Variants in RASGRF2 observed in about 807,000 individuals in gnomAD.
The protein encoded by RASGRF2 is ras-specific guanine nucleotide-releasing factor 2.
RASGRF2 carries 76 observed loss-of-function variants against 151.0 expected under a neutral mutation model. The observed-to-expected ratio is 0.50, with a 90% confidence interval of 0.42 to 0.61. The LOEUF is 0.61. RASGRF2 is among the 20% of genes least tolerant of loss of function. The pLI is 0.00. For synonymous variants in RASGRF2, 504 were observed against 566.5 expected (o/e 0.89, Z 1.57); for missense variants, 1,148 against 1,564.6 (o/e 0.73, Z 4.49).
chr5:81,222,432 C>G (rs1755875682), intron 26 of RASGRF2, among the ~76,000 whole-genome samples: 2 of 152,138 alleles, frequency 1.3e-5, no homozygotes, highest in Non-Finnish European at 2.9e-5. Flanking sequence ...GTCTGGAGTG[C>G]CCTTTCTTCC....
chr5:81,103,284 A>T (rs995188533), intron 12 of RASGRF2, among the ~76,000 whole-genome samples: 24 of 152,182 alleles, frequency 1.6e-4, no homozygotes, highest in African/African-American at 5.8e-4. Context: ...ACCTATATAT[A>T]GGTATAGAAT....
chr5:81,078,032 G>A (rs974367363), intron 5 of RASGRF2, among the ~76,000 whole-genome samples: 4 of 152,152 alleles, frequency 2.6e-5, no homozygotes, highest in African/African-American at 9.7e-5. Context: ...GACTTAGATG[G>A]AGATTTGAAA....
At chr5:81,029,203 G>C (rs1368638033) in intron 1 of RASGRF2, among the ~76,000 whole-genome samples, 1 of 152,234 alleles carries the variant, frequency 6.6e-6, no homozygotes. Context: ...GTCTGCCTCT[G>C]TAGACTCCAC....
chr5:81,153,131 A>G (rs562147508), intron 17 of RASGRF2, among the ~76,000 whole-genome samples: 1 of 152,366 alleles, frequency 6.6e-6, no homozygotes, highest in Admixed American at 6.5e-5. Flanking sequence ...AAGCAAAGAA[A>G]CAAAAAGATG....
chr5:80,987,588 G>A (rs1748512575), intron 1 of RASGRF2, among the ~76,000 whole-genome samples: 1 of 152,198 alleles, frequency 6.6e-6, no homozygotes, highest in South Asian at 2.1e-4. Flanking sequence ...GCTTGTGGGA[G>A]AGCAGACAAG....
intron 1 of RASGRF2, among the ~76,000 whole-genome samples, chr5:81,012,755 T>C (rs1232311930): frequency 6.6e-6 from 1 of 151,962 alleles, no homozygotes; most frequent in Non-Finnish European, 1.5e-5. Flanking sequence ...CACTTATTGC[T>C]GTCTAGGGGA....
intron 12 of RASGRF2, 33 bp downstream of exon 12, chr5:81,095,025 T>G (rs1316258483): frequency 3.7e-6 from 5 of 1,368,132 alleles, no homozygotes; most frequent in Non-Finnish European, 3.8e-6. Context: ...ATTTTTGTTT[T>G]TTAAATTTCA....
intron 13 of RASGRF2, among the ~76,000 whole-genome samples, chr5:81,110,542 T>C (rs750820518): frequency 6.6e-6 from 1 of 152,244 alleles, no homozygotes; most frequent in Admixed American, 6.5e-5. Context: ...TCAAATAAGC[T>C]AATTATAGTC....
intron 1 of RASGRF2, among the ~76,000 whole-genome samples, chr5:81,032,671 C>G (rs193076719): frequency 1.6e-4 from 24 of 152,262 alleles, no homozygotes; most frequent in Admixed American, 1.5e-3. Context: ...CTATTTATGA[C>G]AAACCCACAG....
At chr5:81,090,865 A>G (rs1423034247) in intron 9 of RASGRF2, among the ~76,000 whole-genome samples, 1 of 152,154 alleles carries the variant, frequency 6.6e-6, no homozygotes, top group Non-Finnish European at 1.5e-5. Flanking sequence ...TAACGAACAC[A>G]TTATTATTGA....
intron 1 of RASGRF2, among the ~76,000 whole-genome samples, chr5:80,964,221 A>G (rs1184414094): frequency 6.6e-6 from 1 of 152,176 alleles, no homozygotes; most frequent in Non-Finnish European, 1.5e-5. Flanking sequence ...TGATATAATC[A>G]AAATGAGATC....
chr5:80,969,594 A>T (rs367972484), intron 1 of RASGRF2, among the ~76,000 whole-genome samples: 115 of 148,742 alleles, frequency 7.7e-4, no homozygotes, highest in African/African-American at 2.8e-3. Flanking sequence ...GACTACAGGC[A>T]CCCGCCACCA....
chr5:81,014,457 C>T lies in RASGRF2; in HGVS notation c.289-28420C>T, dbSNP rs558805732. Among the ~76,000 whole-genome samples, 25 of 152,258 alleles carry T rather than the reference C, an allele frequency of 1.6e-4. No individual in the cohort carries two copies. In the South Asian group the frequency reaches 2.9e-3, roughly 18 times the overall value. On this transcript the variant is annotated intron_variant, in intron 1 of 26. Coordinates refer to ENST00000265080, the MANE Select transcript of RASGRF2 (RefSeq NM_006909.3). ...GCCTCCTTTTAAAACCATCAGATCT[C>T]GCGAAACTTATCCATTGTCACAAGA...
intron 1 of RASGRF2, among the ~76,000 whole-genome samples, chr5:81,018,802 CT>C (rs35247915): frequency 0.5 from 63,781 of 126,660 alleles, 15,094 homozygotes; most frequent in African/African-American, 0.59. Context: ...TCCATCTGCA[CT>C]TTTTTTTTTT....
intron 17 of RASGRF2, among the ~76,000 whole-genome samples, chr5:81,131,165 C>T (rs1292311758): frequency 6.6e-6 from 1 of 152,078 alleles, no homozygotes; most frequent in Non-Finnish European, 1.5e-5. Flanking sequence ...ATTTCAAATG[C>T]AATACAAGGG....
Position 81,226,903 on chromosome 5 carries a change from G to A in RASGRF2, c.*1133G>A, listed in dbSNP as rs940330314. 6.6e-5 allele frequency: 10 copies of A among 152,094 alleles called. No individual in the cohort carries two copies. Among genetic ancestry groups the A allele is most frequent in the African/African-American group, 2.2e-4 (9 of 41,396 alleles). The allele number at this position is 152,094 out of a possible 1,614,324, so 9.4% of individuals were successfully genotyped here. A position where few individuals can be genotyped will look rare whatever the true frequency, so the allele number is the denominator to read the frequency against. On this transcript the variant is annotated 3_prime_UTR_variant, in exon 27 of 27. Transcript: ENST00000265080. ...TGCATGGGAAATGGGCCCAACCACC[G>A]AACAGCTCTTACATTACAAAACCAA...
chr5:80,970,603 C>T (rs939147495), intron 1 of RASGRF2, among the ~76,000 whole-genome samples: 1 of 152,206 alleles, frequency 6.6e-6, no homozygotes, highest in African/African-American at 2.4e-5. Context: ...GTGTTGTGGT[C>T]CCTTTTCTCC....
rs568232472 is a variant in RASGRF2 at position 80,970,312 on chromosome 5, C to T, written c.288+9286C>T. The stretch of plus-strand genomic sequence containing the variant: ...TATCTAGGGTTAGTTGGTTTCTGTC[C>T]TATGACTGATTGTTTTAGGCCCTTT... On this transcript the variant is annotated intron_variant, in intron 1 of 26. Transcript: ENST00000265080. Among the ~76,000 whole-genome samples, 15 of 152,254 alleles carry T rather than the reference C, an allele frequency of 9.9e-5. No homozygotes were observed. The South Asian group carries it at 3.1e-3, about 32-fold the overall frequency.
intron 2 of RASGRF2, among the ~76,000 whole-genome samples, chr5:81,056,123 C>T (rs1751201911): frequency 6.6e-6 from 1 of 152,032 alleles, no homozygotes; most frequent in African/African-American, 2.4e-5. Flanking sequence ...ATGTCTCTAT[C>T]TCCTTCAGTT....
Sources: gnomAD v4.1 joint callset for allele counts (sites outside exome capture counted in the v4.1 genomes callset) on GRCh38, gnomAD v4.1.1 for gene constraint, MANE v1.5 for transcripts, NCBI Gene and HGNC (gene_info 2026-07-23, HGNC 2026-07-21) for gene names.